Variants in ATP2C2 observed in about 807,000 individuals in gnomAD.
ATP2C2 encodes the protein ATPase secretory pathway Ca2+ transporting 2.
ATP2C2 carries 171 observed loss-of-function variants against 110.8 expected under a neutral mutation model. That is an observed-to-expected ratio of 1.54 (90% CI 1.36 to 1.75). The LOEUF is 1.75. ATP2C2 is among the 40% of genes most tolerant of loss of function. ATP2C2 has a pLI of 0.00. For missense variants in ATP2C2, 1,963 were observed against 1,235.0 expected (o/e 1.59, Z -8.84); for synonymous variants, 804 against 508.4 (o/e 1.58, Z -7.82).
chr16:84,446,485 G>C (rs1909764028), intron 16 of ATP2C2, 55 bp downstream of exon 16: 1 of 1,297,510 alleles, frequency 7.7e-7, no homozygotes, highest in Admixed American at 2.4e-5. Context: ...CCCCCACCCA[G>C]AGATAAAGCA....
Position 84,455,127 on chromosome 16 carries a change from G to A in ATP2C2, c.2147+143G>A, listed in dbSNP as rs886730625. 110 of 1,106,652 alleles carry A rather than the reference G, an allele frequency of 9.9e-5. 1 individual carries two copies. In the African/African-American group the frequency reaches 1.3e-3, roughly 13 times the overall value. 68.6% of individuals were successfully genotyped at this position (1,106,652 alleles called of 1,614,324 possible). A position where few individuals can be genotyped will look rare whatever the true frequency, so the allele number is the denominator to read the frequency against. On this transcript the variant is annotated intron_variant, in intron 21 of 26. Transcript: ENST00000262429. ...CTGAATCTCGGGGCTCGTCAGTGTGGCAGGTGCCCCCAACCCCAAGTACCA... is the reference window on the plus strand; with the variant it reads ...CTGAATCTCGGGGCTCGTCAGTGTGACAGGTGCCCCCAACCCCAAGTACCA...
At chr16:84,371,649 C>T (rs540633548) in intron 1 of ATP2C2, among the ~76,000 whole-genome samples, 4 of 152,190 alleles carry the variant, frequency 2.6e-5, no homozygotes, top group Admixed American at 6.5e-5. Flanking sequence ...GCGCCAACTC[C>T]GGGGGAAGCT....
At chr16:84,380,984 G>C (rs1270585293) in intron 1 of ATP2C2, among the ~76,000 whole-genome samples, 4 of 152,206 alleles carry the variant, frequency 2.6e-5, no homozygotes, top group Non-Finnish European at 4.4e-5. Flanking sequence ...TTTGAGATCA[G>C]CCCGGCCAAC....
intron 1 of ATP2C2, among the ~76,000 whole-genome samples, chr16:84,374,814 G>A (rs761722623): frequency 2.0e-5 from 3 of 152,094 alleles, no homozygotes; most frequent in Non-Finnish European, 4.4e-5. Context: ...TTTCTCTTTC[G>A]GGGACAAAGA....
intron 2 of ATP2C2, among the ~76,000 whole-genome samples, chr16:84,400,172 G>T (rs899007258): frequency 7.9e-5 from 12 of 152,042 alleles, no homozygotes; most frequent in African/African-American, 2.7e-4. Flanking sequence ...GTCTGTTGAT[G>T]GATACTTAGG....
chr16:84,378,747 C>G lies in ATP2C2; in HGVS notation c.99+10033C>G, dbSNP rs138507599. 4.7e-4 allele frequency among the ~76,000 whole-genome samples: 71 copies of G among 152,304 alleles called. 1 individual carries two copies. Among genetic ancestry groups the G allele is most frequent in the African/African-American group, 1.3e-3 (56 of 41,568 alleles). ...GTCAGGCTCACTGCAAAACGGCCCC[C>G]TCCTTGAAAAATGACTAAGAATCTC... On this transcript the variant is annotated intron_variant, in intron 1 of 26. Transcript: ENST00000262429.
At chr16:84,432,439 C>T (rs1160465529) in intron 11 of ATP2C2, among the ~76,000 whole-genome samples, 1 of 151,942 alleles carries the variant, frequency 6.6e-6, no homozygotes, top group African/African-American at 2.4e-5. Context: ...CCGAACCCCC[C>T]GACAGGCCTG....
At chr16:84,434,326 G>A (rs1288996008) in intron 11 of ATP2C2, among the ~76,000 whole-genome samples, 2 of 151,610 alleles carry the variant, frequency 1.3e-5, no homozygotes, top group Non-Finnish European at 2.9e-5. Flanking sequence ...TGAGGGAGGA[G>A]AATCACTTGA....
intron 4 of ATP2C2, among the ~76,000 whole-genome samples, chr16:84,409,952 G>A (rs1485151679): frequency 3.3e-5 from 5 of 152,166 alleles, no homozygotes; most frequent in Non-Finnish European, 7.3e-5. Flanking sequence ...GCTCATGCCT[G>A]TAATCCCAGC....
At chr16:84,445,213 T>TA (rs1212446930) in intron 15 of ATP2C2, among the ~76,000 whole-genome samples, 3 of 150,162 alleles carry the variant, frequency 2.0e-5, no homozygotes, top group African/African-American at 7.3e-5. Flanking sequence ...TTTTCCTCTT[T>TA]TTTTTTTTTT....
At chr16:84,425,591 G>C in intron 10 of ATP2C2, 144 bp from the exon 11 acceptor site, 1 of 892,206 alleles carries the variant, frequency 1.1e-6, no homozygotes, top group Non-Finnish European at 1.8e-6. Context: ...AAAGAGAAGA[G>C]ACGGGTTGAA....
In ATP2C2 at chr16:84,408,508, C is replaced by T; in HGVS notation, c.417+14C>T. 1 of 1,608,308 alleles carries T rather than the reference C, an allele frequency of 6.2e-7. No homozygotes were observed. The highest frequency in any genetic ancestry group is 8.5e-7 in the Non-Finnish European group (1 of 1,177,214). ...AGCATCGCCACGGTGAGTTCCCTGACAGCGCTCGGCTCCCGGGCGGGCAGC... is the reference window on the plus strand; with the variant it reads ...AGCATCGCCACGGTGAGTTCCCTGATAGCGCTCGGCTCCCGGGCGGGCAGC... On this transcript the variant is annotated intron_variant, in intron 4 of 26. Coordinates refer to ENST00000262429, the MANE Select transcript of ATP2C2 (RefSeq NM_014861.4).
At chr16:84,399,054 C>T (rs1313896444) in intron 2 of ATP2C2, among the ~76,000 whole-genome samples, 1 of 152,248 alleles carries the variant, frequency 6.6e-6, no homozygotes, top group South Asian at 2.1e-4. Context: ...TTGCCAGGTA[C>T]TAAAACCAAA....
intron 2 of ATP2C2, among the ~76,000 whole-genome samples, chr16:84,403,597 T>C (rs983678350): frequency 1.3e-5 from 2 of 152,214 alleles, no homozygotes; most frequent in Non-Finnish European, 2.9e-5. Context: ...TATGAGTCAC[T>C]GTGCCTGGCC....
intron 1 of ATP2C2, among the ~76,000 whole-genome samples, chr16:84,389,178 T>A: frequency 6.6e-6 from 1 of 152,194 alleles, no homozygotes; most frequent in East Asian, 1.9e-4. Flanking sequence ...CCTAAGGCAT[T>A]TGGGATTCCC....
chr16:84,391,615 C>T (rs1904668089), intron 1 of ATP2C2, among the ~76,000 whole-genome samples: 1 of 152,144 alleles, frequency 6.6e-6, no homozygotes. Context: ...CGTACACATG[C>T]CAAGAACGCG....
chr16:84,374,774 A>C (rs1427550033), intron 1 of ATP2C2, among the ~76,000 whole-genome samples: 1 of 152,292 alleles, frequency 6.6e-6, no homozygotes, highest in Non-Finnish European at 1.5e-5. Context: ...GGCAGCTGCT[A>C]TATCTTCAAG....
chr16:84,373,571 A>G (rs889759133), intron 1 of ATP2C2, among the ~76,000 whole-genome samples: 2 of 152,236 alleles, frequency 1.3e-5, no homozygotes, highest in Admixed American at 6.5e-5. Flanking sequence ...ATGAGGTCTC[A>G]TAACTTCTGC....
At chr16:84,423,807 G>A (rs555170783) in intron 10 of ATP2C2, among the ~76,000 whole-genome samples, 1 of 152,314 alleles carries the variant, frequency 6.6e-6, no homozygotes, top group Admixed American at 6.5e-5. Context: ...TAGTTTATCT[G>A]TGCACCCAAA....
Sources: gnomAD v4.1 joint callset for allele counts (sites outside exome capture counted in the v4.1 genomes callset) on GRCh38, gnomAD v4.1.1 for gene constraint, MANE v1.5 for transcripts, NCBI Gene and HGNC (gene_info 2026-07-23, HGNC 2026-07-21) for gene names.